The following SEMA5A variants were observed in gnomAD, a reference collection of about 807,000 sequenced individuals.
The protein encoded by SEMA5A is semaphorin-5A.
In SEMA5A, 55 loss-of-function variants were observed where a neutral mutation model predicts 135.5. That is an observed-to-expected ratio of 0.41 (90% CI 0.33 to 0.51). The LOEUF (loss-of-function observed/expected upper bound fraction) is 0.51. Among genes scored for constraint, SEMA5A ranks in the 20% least tolerant of loss-of-function variants. The pLI, the probability that SEMA5A is intolerant of heterozygous loss-of-function variation, is 0.37. For synonymous variants in SEMA5A, 580 were observed against 546.5 expected (o/e 1.06, Z -0.85); for missense variants, 1,290 against 1,419.9 (o/e 0.91, Z 1.47).
At chr5:9,257,906 G>C (rs370539907) in intron 5 of SEMA5A, among the ~76,000 whole-genome samples, 2 of 152,160 alleles carry the variant, frequency 1.3e-5, no homozygotes, top group Admixed American at 1.3e-4. Flanking sequence ...GCCTCAGAAG[G>C]CAGAGAGAAG....
intron 11 of SEMA5A, among the ~76,000 whole-genome samples, chr5:9,170,614 G>A (rs972941658): frequency 6.6e-6 from 1 of 151,960 alleles, no homozygotes; most frequent in African/African-American, 2.4e-5. Context: ...TATAAAATAG[G>A]TCTCAGAGCC....
rs568614786 is a variant in SEMA5A, at chr5:9,321,392, C to T, written c.225-2975G>A. Among the ~76,000 whole-genome samples the T allele has an allele frequency of 1.4e-3, 210 of 152,320 alleles. 1 individual carries two copies. The highest frequency in any genetic ancestry group is 2.5e-3 in the Non-Finnish European group (172 of 68,036). On this transcript the variant is annotated intron_variant, in intron 4 of 22. Transcript: ENST00000382496. Reference sequence around the variant, plus strand: ...TATGAGCAGCTCAGCTCCCCACCCTCACATATTTCCCACTGTCTTTCTGGT... The same window carrying T: ...TATGAGCAGCTCAGCTCCCCACCCTTACATATTTCCCACTGTCTTTCTGGT...
At chr5:9,518,534 CAT>C (rs1736646596) in intron 1 of SEMA5A, among the ~76,000 whole-genome samples, 2 of 152,180 alleles carry the variant, frequency 1.3e-5, no homozygotes, top group African/African-American at 4.8e-5. Flanking sequence ...TAAATGTACA[CAT>C]GATTTATGGA....
intron 8 of SEMA5A, among the ~76,000 whole-genome samples, chr5:9,207,908 GATAGATA>G (rs1746134832): frequency 4.8e-5 from 4 of 83,452 alleles, no homozygotes; most frequent in African/African-American, 1.4e-4. Flanking sequence ...TACATAGATA[GATAGATA>G]ATAGATAGAT....
chr5:9,463,948 G>A (rs535700774), intron 1 of SEMA5A, among the ~76,000 whole-genome samples: 25 of 152,256 alleles, frequency 1.6e-4, no homozygotes, highest in African/African-American at 4.3e-4. Context: ...CTCTAAAGGC[G>A]AAATCCAAAG....
At chr5:9,456,266 G>A (rs905143047) in intron 1 of SEMA5A, among the ~76,000 whole-genome samples, 2 of 152,188 alleles carry the variant, frequency 1.3e-5, no homozygotes, top group African/African-American at 4.8e-5. Context: ...AACTGTGTGT[G>A]GTAGCCACAC....
Position 9,066,660 on chromosome 5 carries a change from G to T in SEMA5A, c.2074-14C>A. 1 of 1,610,560 alleles carries T rather than the reference G, an allele frequency of 6.2e-7. No homozygotes were observed. The highest frequency in any genetic ancestry group is 8.5e-7 in the Non-Finnish European group (1 of 1,177,532). On this transcript the variant is annotated splice_polypyrimidine_tract_variant and intron_variant, in intron 16 of 22. Transcript: ENST00000382496. ...AGACTGGTACTCCTGGGGAGAATGC[G>T]CAGACGAGTGTTACTATACGGGGTA... is the stretch of plus-strand genomic sequence containing the variant.
At chr5:9,150,817 G>A (rs1742594578) in intron 12 of SEMA5A, among the ~76,000 whole-genome samples, 1 of 152,198 alleles carries the variant, frequency 6.6e-6, no homozygotes, top group Non-Finnish European at 1.5e-5. Context: ...GAAGGGGGTT[G>A]AGCCTCTCTC....
At chr5:9,298,923 A>G (rs1251943337) in intron 5 of SEMA5A, among the ~76,000 whole-genome samples, 1 of 152,186 alleles carries the variant, frequency 6.6e-6, no homozygotes, top group Admixed American at 6.5e-5. Context: ...AGCTCTGCCC[A>G]CTGTTGAAGA....
intron 5 of SEMA5A, among the ~76,000 whole-genome samples, chr5:9,305,708 G>GTGTATA (rs1554017498): frequency 1.8e-4 from 25 of 139,242 alleles, no homozygotes; most frequent in Middle Eastern, 3.6e-3. Flanking sequence ...GTGTGTGTGC[G>GTGTATA]TATATATATA....
intron 1 of SEMA5A, among the ~76,000 whole-genome samples, chr5:9,443,434 G>T (rs956347173): frequency 5.9e-5 from 9 of 152,090 alleles, no homozygotes. Flanking sequence ...GTCCTGAAAT[G>T]GTGCAGCCAA....
chr5:9,388,498 T>C (rs1333837423), intron 2 of SEMA5A, among the ~76,000 whole-genome samples: 2 of 148,216 alleles, frequency 1.3e-5, no homozygotes, highest in African/African-American at 2.5e-5. Context: ...AAGAAAAAAG[T>C]ACTTAAATAA....
At chr5:9,306,987 T>C (rs992685491) in intron 5 of SEMA5A, among the ~76,000 whole-genome samples, 4 of 152,218 alleles carry the variant, frequency 2.6e-5, no homozygotes, top group Non-Finnish European at 5.9e-5. Flanking sequence ...CAAAATTACA[T>C]GTATAGTCAT....
At chr5:9,423,833 C>A (rs2126637592) in intron 2 of SEMA5A, among the ~76,000 whole-genome samples, 1 of 152,342 alleles carries the variant, frequency 6.6e-6, no homozygotes, top group East Asian at 1.9e-4. Context: ...CAACACATCA[C>A]AAATGTTCAC....
chr5:9,324,708 A>G (rs1397598892), intron 4 of SEMA5A, among the ~76,000 whole-genome samples: 1 of 152,206 alleles, frequency 6.6e-6, no homozygotes, highest in Admixed American at 6.5e-5. Context: ...CTCACAAACT[A>G]AAGTAAGATC....
chr5:9,060,720 A>G (rs1737137935), intron 18 of SEMA5A, among the ~76,000 whole-genome samples: 2 of 152,118 alleles, frequency 1.3e-5, no homozygotes, highest in African/African-American at 4.8e-5. Context: ...GAGCAGAAAC[A>G]TTATTGGGAG....
intron 6 of SEMA5A, among the ~76,000 whole-genome samples, chr5:9,236,869 C>G (rs1343371407): frequency 4.6e-5 from 7 of 152,046 alleles, no homozygotes; most frequent in African/African-American, 1.7e-4. Context: ...GTGTCTGACT[C>G]CCACAGCGAT....
intron 8 of SEMA5A, among the ~76,000 whole-genome samples, chr5:9,224,059 T>C (rs1747156320): frequency 6.6e-6 from 1 of 152,176 alleles, no homozygotes; most frequent in African/African-American, 2.4e-5. Flanking sequence ...AGCAACAATT[T>C]TGCAACCACA....
intron 5 of SEMA5A, among the ~76,000 whole-genome samples, chr5:9,298,018 C>A (rs115455421): frequency 0.013 from 2,022 of 152,264 alleles, 45 homozygotes; most frequent in African/African-American, 0.046. Context: ...GTCCTCTAGT[C>A]ATCAAAAATT....
Sources: allele counts gnomAD v4.1 joint callset (sites outside exome capture counted in the v4.1 genomes callset), GRCh38; gene constraint gnomAD v4.1.1; transcripts MANE v1.5; gene names NCBI Gene and HGNC (gene_info 2026-07-23, HGNC 2026-07-21).